Variants in PRKCE observed in about 807,000 individuals in gnomAD.
The protein encoded by PRKCE is protein kinase C epsilon type.
Under a neutral mutation model 85.4 loss-of-function variants are expected in PRKCE, and 16 were observed. The ratio of observed to expected loss-of-function variants is 0.19; its 90% CI spans 0.13 to 0.28. The LOEUF (loss-of-function observed/expected upper bound fraction) is 0.28, where lower values mean the gene tolerates loss of function less well. Ranked by LOEUF, PRKCE falls within the 10% of genes least tolerant of loss-of-function variation. The pLI is 1.00. For synonymous variants in PRKCE, 388 were observed against 371.5 expected (o/e 1.04, Z -0.51); for missense variants, 573 against 975.2 (o/e 0.59, Z 5.49).
At chr2:46,168,668 CT>C (rs1370341261) in intron 14 of PRKCE, among the ~76,000 whole-genome samples, 1 of 152,208 alleles carries the variant, frequency 6.6e-6, no homozygotes, top group Non-Finnish European at 1.5e-5. Context: ...ATGCAAAATA[CT>C]TAAGGGATAA....
chr2:46,113,547 G>A (rs1242211204), intron 11 of PRKCE, among the ~76,000 whole-genome samples: 1 of 152,170 alleles, frequency 6.6e-6, no homozygotes, highest in Non-Finnish European at 1.5e-5. Context: ...GGAAACTCTG[G>A]GGAGAAGTAC....
At chr2:45,935,540 A>G (rs898798105) in intron 2 of PRKCE, among the ~76,000 whole-genome samples, 1 of 152,186 alleles carries the variant, frequency 6.6e-6, no homozygotes, top group Non-Finnish European at 1.5e-5. Context: ...TAATCCCAGC[A>G]CTTTGGGAGG....
intron 1 of PRKCE, among the ~76,000 whole-genome samples, chr2:45,821,157 A>C (rs1689499628): frequency 6.6e-6 from 1 of 152,306 alleles, no homozygotes; most frequent in South Asian, 2.1e-4. Flanking sequence ...CTGTGGGCAT[A>C]CTTCCTTTTT....
At chr2:46,114,376 A>G (rs1321006906) in intron 11 of PRKCE, among the ~76,000 whole-genome samples, 1 of 145,264 alleles carries the variant, frequency 6.9e-6, no homozygotes, top group Admixed American at 6.9e-5. Context: ...CAAAAGGGCT[A>G]GAAATAATAT....
intron 2 of PRKCE, among the ~76,000 whole-genome samples, chr2:45,924,443 G>T (rs1698470164): frequency 6.6e-6 from 1 of 152,194 alleles, no homozygotes. Flanking sequence ...TGGAAAGGAA[G>T]CATTCTTCAC....
chr2:45,652,255 G>A lies in PRKCE; in HGVS notation c.155G>A (p.Gly52Asp), dbSNP rs866552500. 6.2e-7 allele frequency: 1 copy of A among 1,613,158 alleles called. No individual in the cohort carries two copies. Among genetic ancestry groups the A allele is most frequent in the Non-Finnish European group, 8.5e-7 (1 of 1,179,988 alleles). The change falls in exon 1 of 15, where the codon GGC (glycine) becomes GAC (aspartate). Residue 52 changes from glycine (G) to aspartate (D), a missense_variant. Physicochemically the swap from Gly to Asp is moderately conservative, Grantham distance 94. Coordinates refer to ENST00000306156, the MANE Select transcript of PRKCE (RefSeq NM_005400.3). The surrounding 1 kb of genome is among the most constrained non-coding windows in gnomAD (Gnocchi z 7.7). The stretch of plus-strand genomic sequence containing the variant: ...CTCAATGTGGACGACTCGCGCATCG[G>A]CCAAACGGCCACCAAGCAGAAGACC... Reference protein sequence around the residue: ...IALNVDDSRIGQTATKQKTNS... With the variant: ...IALNVDDSRIDQTATKQKTNS...
chr2:45,691,836 T>C (rs1677752903), intron 1 of PRKCE, among the ~76,000 whole-genome samples: 1 of 152,222 alleles, frequency 6.6e-6, no homozygotes, highest in African/African-American at 2.4e-5. Flanking sequence ...CCCAGCCAAC[T>C]GCTTTGCCAG....
intron 11 of PRKCE, among the ~76,000 whole-genome samples, chr2:46,102,176 G>A (rs1220101307): frequency 6.6e-6 from 1 of 152,104 alleles, no homozygotes; most frequent in African/African-American, 2.4e-5. Context: ...TAAAGCCATT[G>A]TTAAGTGCTT....
chr2:46,005,142 C>G (rs13393946), intron 8 of PRKCE, among the ~76,000 whole-genome samples: 33,255 of 152,046 alleles, frequency 0.22, 4,013 homozygotes, highest in African/African-American at 0.31. Flanking sequence ...AAAGATGAAG[C>G]TAGAGGAGAG....
chr2:46,046,039 C>G, intron 10 of PRKCE, among the ~76,000 whole-genome samples: 1 of 152,174 alleles, frequency 6.6e-6, no homozygotes, highest in South Asian at 2.1e-4. Flanking sequence ...AGGCCTGAGT[C>G]ACAGACATCC....
At chr2:45,983,937 AT>A (rs11418472) in intron 5 of PRKCE, among the ~76,000 whole-genome samples, 1,843 of 132,918 alleles carry the variant, frequency 0.014, 48 homozygotes, top group East Asian at 0.088. Flanking sequence ...TGAAGGTACA[AT>A]TTTTTTTTTT....
intron 2 of PRKCE, among the ~76,000 whole-genome samples, chr2:45,937,115 G>A (rs1699519380): frequency 6.6e-6 from 1 of 152,114 alleles, no homozygotes. Context: ...CCCTTTGGCT[G>A]GGAAGAAAAG....
At chr2:45,660,941 T>C (rs1037077213) in intron 1 of PRKCE, among the ~76,000 whole-genome samples, 1 of 152,072 alleles carries the variant, frequency 6.6e-6, no homozygotes, top group Admixed American at 6.5e-5. Flanking sequence ...CCAGAGGAAA[T>C]ATAACTGAAA....
intron 2 of PRKCE, among the ~76,000 whole-genome samples, chr2:45,916,458 T>C (rs147044420): frequency 5.3e-4 from 80 of 152,088 alleles, no homozygotes; most frequent in African/African-American, 1.8e-3. Flanking sequence ...TTGCCCAGGA[T>C]GGTCTTTTAA....
chr2:45,892,779 C>T (rs559343243), intron 2 of PRKCE, among the ~76,000 whole-genome samples: 13 of 152,294 alleles, frequency 8.5e-5, no homozygotes, highest in South Asian at 6.2e-4. Flanking sequence ...TGGATTTACC[C>T]GACACACACT....
chr2:45,744,469 C>CTT (rs758790383), intron 1 of PRKCE, among the ~76,000 whole-genome samples: 88 of 50,734 alleles, frequency 1.7e-3, no homozygotes, highest in Middle Eastern at 8.8e-3. Flanking sequence ...TTCTTTCTTT[C>CTT]TTTCTTTCTT....
chr2:45,896,750 C>T lies in PRKCE; in HGVS notation c.412+53687C>T, dbSNP rs142723128. Among the ~76,000 whole-genome samples, 174 of 152,194 alleles carry T rather than the reference C, an allele frequency of 1.1e-3. 2 individuals carry two copies. The highest frequency in any genetic ancestry group is 2.6e-3 in the Admixed American group (40 of 15,288). On this transcript the variant is annotated intron_variant, in intron 2 of 14. Transcript: ENST00000306156. ...TGAGTAACCAACAGTGACTTAGGTG[C>T]GCAGTAGAGCTTCATGTGTAGCCTT...
intron 11 of PRKCE, among the ~76,000 whole-genome samples, chr2:46,088,642 C>A (rs1669876719): frequency 6.6e-6 from 1 of 152,108 alleles, no homozygotes; most frequent in Non-Finnish European, 1.5e-5. Flanking sequence ...GTCTGAATGG[C>A]CTTAATCCCT....
At chr2:45,708,910 AT>A (rs1182296131) in intron 1 of PRKCE, among the ~76,000 whole-genome samples, 1 of 152,092 alleles carries the variant, frequency 6.6e-6, no homozygotes, top group Non-Finnish European at 1.5e-5. Flanking sequence ...GACTCTCCAA[AT>A]CCCTGCTTGG....
Sources: allele counts gnomAD v4.1 joint callset (sites outside exome capture counted in the v4.1 genomes callset), GRCh38; gene constraint gnomAD v4.1.1; non-coding constraint Gnocchi (gnomAD v3.1); transcripts MANE v1.5; gene names NCBI Gene and HGNC (gene_info 2026-07-23, HGNC 2026-07-21).